Variants in TBC1D1 observed in about 807,000 individuals in gnomAD.
TBC1D1 encodes the protein TBC1 domain family member 1.
In TBC1D1, 89 loss-of-function variants were observed where a neutral mutation model predicts 125.6. That is an observed-to-expected ratio of 0.71 (90% CI 0.60 to 0.85). The LOEUF is 0.85. TBC1D1 is among the 40% of genes least tolerant of loss of function. TBC1D1 has a pLI of 0.00. For missense variants in TBC1D1, 1,377 were observed against 1,469.2 expected, an observed-to-expected ratio of 0.94 and a Z score of 1.03; for synonymous variants, 565 against 564.1, an observed-to-expected ratio of 1.00 and a Z score of -0.02.
chr4:37,911,131 C>CTT (rs71658745), intron 2 of TBC1D1, among the ~76,000 whole-genome samples: 5,491 of 94,670 alleles, frequency 0.058, 170 homozygotes, highest in East Asian at 0.12. Flanking sequence ...TCCCCTCCTC[C>CTT]TTTTTTTTTT....
At chr4:38,127,653 G>A (rs1764882489) in intron 18 of TBC1D1, among the ~76,000 whole-genome samples, 1 of 152,068 alleles carries the variant, frequency 6.6e-6, no homozygotes, top group South Asian at 2.1e-4. Flanking sequence ...CAAAGTGCTG[G>A]GATTACATGC....
intron 2 of TBC1D1, among the ~76,000 whole-genome samples, chr4:37,933,986 G>A (rs561801981): frequency 1.4e-4 from 21 of 152,202 alleles, no homozygotes; most frequent in Non-Finnish European, 2.9e-4. Context: ...GTTGTTGCAG[G>A]TTGAAAGTGA....
intron 15 of TBC1D1, chr4:38,110,090 G>A (rs1028710305): frequency 4.8e-6 from 2 of 412,898 alleles, no homozygotes; most frequent in Non-Finnish European, 3.3e-6. Flanking sequence ...GGGTGGCCCC[G>A]TGTTTGCTGC....
intron 10 of TBC1D1, 53 bp downstream of exon 10, chr4:38,045,956 T>C: frequency 1.3e-6 from 2 of 1,484,816 alleles, no homozygotes; most frequent in South Asian, 2.3e-5. Context: ...AAATAGGTCT[T>C]GCTCATCTCC....
intron 1 of TBC1D1, among the ~76,000 whole-genome samples, chr4:37,893,661 T>C (rs890546776): frequency 2.0e-5 from 3 of 152,016 alleles, no homozygotes; most frequent in Admixed American, 1.3e-4. Flanking sequence ...TCTACAAAAA[T>C]ATAGATCTAC....
intron 2 of TBC1D1, among the ~76,000 whole-genome samples, chr4:37,936,442 T>C (rs563106926): frequency 1.3e-5 from 2 of 152,330 alleles, no homozygotes; most frequent in African/African-American, 4.8e-5. Context: ...GTTGCTGCAC[T>C]GGAATCTGTT....
intron 12 of TBC1D1, among the ~76,000 whole-genome samples, chr4:38,066,961 C>T (rs1445743047): frequency 6.6e-6 from 1 of 151,950 alleles, no homozygotes; most frequent in Non-Finnish European, 1.5e-5. Context: ...ACTGCAACCT[C>T]CGCCTCCTGG....
chr4:37,971,180 G>T (rs1326276887), intron 2 of TBC1D1, among the ~76,000 whole-genome samples: 2 of 152,198 alleles, frequency 1.3e-5, no homozygotes, highest in East Asian at 1.9e-4. Context: ...GTGCTGAGAT[G>T]GTGAGACATT....
intron 2 of TBC1D1, chr4:38,006,935 G>T: frequency 2.2e-6 from 1 of 445,032 alleles, no homozygotes. Flanking sequence ...TGTGGAGTAA[G>T]TGTTGTCATC....
At chr4:38,119,168 G>T (rs547567652) in intron 17 of TBC1D1, among the ~76,000 whole-genome samples, 19 of 152,172 alleles carry the variant, frequency 1.2e-4, no homozygotes, top group Non-Finnish European at 2.5e-4. Context: ...TTTATGATTA[G>T]AGAGCATCTT....
At chr4:37,989,565 C>T (rs186950550) in intron 2 of TBC1D1, among the ~76,000 whole-genome samples, 15 of 152,302 alleles carry the variant, frequency 9.8e-5, no homozygotes, top group African/African-American at 2.6e-4. Context: ...AAATGTTTTA[C>T]GGAGATTGAT....
chr4:38,094,369 C>T (rs558301642), intron 13 of TBC1D1, among the ~76,000 whole-genome samples: 1 of 152,272 alleles, frequency 6.6e-6, no homozygotes, highest in Non-Finnish European at 1.5e-5. Context: ...TGCAAATTTA[C>T]ATTTGATCTC....
intron 12 of TBC1D1, among the ~76,000 whole-genome samples, chr4:38,071,268 C>A (rs979625878): frequency 6.6e-6 from 1 of 152,102 alleles, no homozygotes; most frequent in Non-Finnish European, 1.5e-5. Context: ...GGGAAAGAGC[C>A]CCCAAGTGTC....
In TBC1D1 at chr4:38,118,110, C is replaced by G. The variant is rs548753227; in HGVS notation, c.2880C>G (p.Ile960Met). The change falls in exon 17 of 20, where the codon ATC (isoleucine) becomes ATG (methionine). Residue 960 changes from isoleucine (I) to methionine (M), a missense_variant. By Grantham distance (10) the Ile-to-Met change is conservative. Coordinates refer to ENST00000261439, the MANE Select transcript of TBC1D1 (RefSeq NM_015173.4). ...ACAATCACCTGGAGGAGCACGAGAT[C>G]GGCCCCAGCCTCTACGCTGCCCCCT... The G allele has an allele frequency of 1.2e-6, 2 of 1,614,180 alleles. No homozygotes were observed. The highest frequency in any genetic ancestry group is 1.7e-6 in the Non-Finnish European group (2 of 1,180,012).
At chr4:37,991,360 G>A (rs1736529562) in intron 2 of TBC1D1, among the ~76,000 whole-genome samples, 1 of 152,202 alleles carries the variant, frequency 6.6e-6, no homozygotes, top group South Asian at 2.1e-4. Context: ...CCTCTCCGCT[G>A]ATCTGGGGGC....
At chr4:38,096,473 G>C (rs2152547462) in intron 14 of TBC1D1, among the ~76,000 whole-genome samples, 1 of 152,324 alleles carries the variant, frequency 6.6e-6, no homozygotes, top group East Asian at 1.9e-4. Context: ...AGGTGGTCTT[G>C]GGCTTAAATC....
At chr4:37,913,974 AC>A (rs1294490140) in intron 2 of TBC1D1, among the ~76,000 whole-genome samples, 1 of 151,910 alleles carries the variant, frequency 6.6e-6, no homozygotes, top group Non-Finnish European at 1.5e-5. Context: ...CTATCTTGAA[AC>A]ACTCTCTTTT....
At position 37,902,233 on chromosome 4, in the gene TBC1D1, G is replaced by A. The variant is rs373623298; in HGVS notation, c.138G>A (p.Glu46=). 4 of 1,613,910 alleles carry A rather than the reference G, an allele frequency of 2.5e-6. No individual in the cohort carries two copies. The highest frequency in any genetic ancestry group is 3.4e-6 in the Non-Finnish European group (4 of 1,180,024). Residue 46 remains glutamate (E), a synonymous_variant, in exon 2 of 20, where the codon GAG becomes GAA. Coordinates refer to ENST00000261439, the MANE Select transcript of TBC1D1 (RefSeq NM_015173.4). ...CCATGCTGCCCTGGGTTGTGGCTGAGGTGCGAAGACTCAGCAGGCAGTCCA... is the reference window on the plus strand; with the variant it reads ...CCATGCTGCCCTGGGTTGTGGCTGAAGTGCGAAGACTCAGCAGGCAGTCCA...
chr4:38,085,112 G>A (rs1031518595), intron 12 of TBC1D1, among the ~76,000 whole-genome samples: 1 of 152,210 alleles, frequency 6.6e-6, no homozygotes, highest in Non-Finnish European at 1.5e-5. Context: ...ACACATTTGT[G>A]TGCAGATAGA....
Sources: gnomAD v4.1 joint callset for allele counts (sites outside exome capture counted in the v4.1 genomes callset) on GRCh38, gnomAD v4.1.1 for gene constraint, MANE v1.5 for transcripts, NCBI Gene and HGNC (gene_info 2026-07-23, HGNC 2026-07-21) for gene names.